Variants in ANKRD55 observed in about 807,000 individuals in gnomAD.
ANKRD55 encodes ankyrin repeat domain-containing protein 55.
A neutral mutation model predicts 60.6 loss-of-function variants in ANKRD55; 41 were observed. That is an observed-to-expected ratio of 0.68 (90% confidence interval 0.53 to 0.88). The LOEUF (loss-of-function observed/expected upper bound fraction) is 0.88, where lower values mean the gene tolerates loss of function less well. Among genes scored for constraint, ANKRD55 ranks in the 40% least tolerant of loss-of-function variants. ANKRD55 has a pLI of 0.00. For synonymous variants in ANKRD55, 264 were observed against 290.3 expected, an observed-to-expected ratio of 0.91 and a Z score of 0.92; for missense variants, 732 against 767.6, an observed-to-expected ratio of 0.95 and a Z score of 0.55.
At chr5:56,199,815 C>T (rs1276236042) in intron 2 of ANKRD55, among the ~76,000 whole-genome samples, 6 of 149,560 alleles carry the variant, frequency 4.0e-5, no homozygotes, top group East Asian at 4.1e-4. Flanking sequence ...GGCATGAACC[C>T]GGGTGGTGGA....
intron 2 of ANKRD55, among the ~76,000 whole-genome samples, chr5:56,189,235 C>G (rs906194979): frequency 6.8e-6 from 1 of 148,010 alleles, no homozygotes; most frequent in African/African-American, 2.5e-5. Flanking sequence ...GGTGTGAATC[C>G]GGGAGGCGGA....
At chr5:56,123,250 G>A (rs192251592) in intron 8 of ANKRD55, among the ~76,000 whole-genome samples, 1 of 152,194 alleles carries the variant, frequency 6.6e-6, no homozygotes, top group Non-Finnish European at 1.5e-5. Flanking sequence ...GAGGCAGCCT[G>A]GCAGCTGGAC....
intron 7 of ANKRD55, among the ~76,000 whole-genome samples, chr5:56,139,159 G>A (rs1454143324): frequency 6.6e-6 from 1 of 152,102 alleles, no homozygotes; most frequent in Non-Finnish European, 1.5e-5. Flanking sequence ...ACTTAAAACT[G>A]CTCTAGAAAA....
chr5:56,231,755 A>T (rs925202772), intron 2 of ANKRD55, among the ~76,000 whole-genome samples: 11 of 152,146 alleles, frequency 7.2e-5, no homozygotes, highest in Admixed American at 4.6e-4. Context: ...CACTATACAC[A>T]TATATACATT....
chr5:56,195,547 G>A (rs1273438632), intron 2 of ANKRD55, among the ~76,000 whole-genome samples: 8 of 152,112 alleles, frequency 5.3e-5, no homozygotes, highest in African/African-American at 1.9e-4. Context: ...AGGTTCAAGC[G>A]ATTCTCCTGC....
At chr5:56,111,096 A>C (rs774510499) in intron 10 of ANKRD55, 22 bp downstream of exon 10, 3 of 1,601,396 alleles carry the variant, frequency 1.9e-6, no homozygotes, top group Admixed American at 1.7e-5. Flanking sequence ...GCTGAGAATG[A>C]ACATGAAATC....
chr5:56,109,353 T>C (rs1026370084), intron 10 of ANKRD55, among the ~76,000 whole-genome samples: 1 of 152,180 alleles, frequency 6.6e-6, no homozygotes, highest in African/African-American at 2.4e-5. Flanking sequence ...GGGTTTAGTG[T>C]TGCCAGATTT....
chr5:56,189,005 G>A (rs1759033654), intron 2 of ANKRD55, among the ~76,000 whole-genome samples: 1 of 152,048 alleles, frequency 6.6e-6, no homozygotes, highest in Non-Finnish European at 1.5e-5. Context: ...TCATATTGAG[G>A]TCTATGGTCT....
intron 4 of ANKRD55, among the ~76,000 whole-genome samples, chr5:56,173,572 C>CTATATATATA (rs1554041248): frequency 3.8e-5 from 4 of 106,052 alleles, no homozygotes; most frequent in Non-Finnish European, 5.5e-5. Context: ...CTCTCTCTCT[C>CTATATATATA]TCTCTCTCTC....
chr5:56,153,137 G>A (rs1393422088), intron 6 of ANKRD55, among the ~76,000 whole-genome samples: 1 of 142,386 alleles, frequency 7.0e-6, no homozygotes, highest in African/African-American at 2.6e-5. Flanking sequence ...AAACAGGCAA[G>A]TCACAAAAGA....
rs1561264102 is a variant in ANKRD55 at position 56,135,331 on chromosome 5, CTTTCTTTCTTTCTTTCTTTCTTTCT to C, written c.613-8250_613-8226del. ...TCTTTCTTTCTTTCTTTCTTTCTTT[CTTTCTTTCTTTCTTTCTTTCTTTCT>C]TTCTTTCTTTCCTTCTTTCTTTCTT... On this transcript the variant is annotated intron_variant, in intron 7 of 11. Coordinates refer to ENST00000341048, the MANE Select transcript of ANKRD55 (RefSeq NM_024669.3). Among the ~76,000 whole-genome samples, 21 of 17,166 alleles carry C rather than the reference CTTTCTTTCTTTCTTTCTTTCTTTCT, an allele frequency of 1.2e-3. 3 individuals are homozygous for C. The South Asian group carries it at 0.019, about 15-fold the overall frequency. The allele number at this position is 17,166 out of a possible 152,430, so 11.3% of individuals were successfully genotyped here.
In ANKRD55 at chr5:56,130,259, G is replaced by C. The variant is rs150571958; in HGVS notation, c.613-3153C>G. On this transcript the variant is annotated intron_variant, in intron 7 of 11. Transcript: ENST00000341048. ...GTCCTCCGGAGAAACTAGTTAACCAGAGCCTAATCTACTGAGGTTTTATCA... is the reference window on the plus strand; with the variant it reads ...GTCCTCCGGAGAAACTAGTTAACCACAGCCTAATCTACTGAGGTTTTATCA... Among the ~76,000 whole-genome samples, 1,259 of 152,264 alleles carry C rather than the reference G, an allele frequency of 8.3e-3. 13 individuals are homozygous for C. Among genetic ancestry groups the C allele is most frequent in the African/African-American group, 0.024 (1,009 of 41,530 alleles).
chr5:56,226,226 T>C (rs1760107335), intron 2 of ANKRD55, among the ~76,000 whole-genome samples: 1 of 152,132 alleles, frequency 6.6e-6, no homozygotes, highest in Non-Finnish European at 1.5e-5. Context: ...AAACAAGAAA[T>C]GAGGAAAGGA....
intron 6 of ANKRD55, among the ~76,000 whole-genome samples, chr5:56,153,050 A>C (rs1245331461): frequency 6.6e-6 from 1 of 152,228 alleles, no homozygotes; most frequent in Non-Finnish European, 1.5e-5. Context: ...GCAAAGCATT[A>C]ATATTCAGCA....
At position 56,127,042 on chromosome 5, in the gene ANKRD55, T is replaced by C; in HGVS notation, c.677A>G (p.Tyr226Cys). 2 of 1,613,884 alleles carry C rather than the reference T, an allele frequency of 1.2e-6. No individual in the cohort carries two copies. The highest frequency in any genetic ancestry group is 1.7e-6 in the Non-Finnish European group (2 of 1,179,902). ...ACATGTCTTCCCACTCTCATCATCA[T>C]AGTTGATTATGGACGGCCCCTGGTG... ...SHHQGPSIIN[Y>C]DDESGKTCVH... is the part of the protein sequence containing the mutation. The change falls in exon 8 of 12, where the codon TAT becomes TGT. Residue 226 changes from tyrosine (Y) to cysteine (C), a missense_variant. Physicochemically the swap from Tyr to Cys is radical, Grantham distance 194. Coordinates refer to ENST00000341048, the MANE Select transcript of ANKRD55 (RefSeq NM_024669.3).
intron 2 of ANKRD55, among the ~76,000 whole-genome samples, chr5:56,229,719 G>T (rs1336621943): frequency 6.6e-6 from 1 of 152,160 alleles, no homozygotes; most frequent in Admixed American, 6.5e-5. Flanking sequence ...AGCCCTGAAG[G>T]TCCTTCTGCA....
chr5:56,186,460 C>A (rs1758976310), intron 2 of ANKRD55, among the ~76,000 whole-genome samples: 1 of 152,084 alleles, frequency 6.6e-6, no homozygotes, highest in South Asian at 2.1e-4. Context: ...TGGCCAGTTT[C>A]TTTGTCTTTA....
chr5:56,222,069 G>A (rs892304142), intron 2 of ANKRD55, among the ~76,000 whole-genome samples: 3 of 152,198 alleles, frequency 2.0e-5, no homozygotes, highest in Admixed American at 6.5e-5. Context: ...CCTGACCCCC[G>A]AGTAGCCTAA....
chr5:56,131,371 G>A (rs1296083408), intron 7 of ANKRD55, among the ~76,000 whole-genome samples: 1 of 152,100 alleles, frequency 6.6e-6, no homozygotes, highest in East Asian at 1.9e-4. Context: ...GTTGAGAAAA[G>A]CCTCCCATCA....
Sources: gnomAD v4.1 joint callset for allele counts (sites outside exome capture counted in the v4.1 genomes callset) on GRCh38, gnomAD v4.1.1 for gene constraint, MANE v1.5 for transcripts, NCBI Gene and HGNC (gene_info 2026-07-23, HGNC 2026-07-21) for gene names.